STXBP5L: variants seen among roughly 807,000 people sequenced by gnomAD.
STXBP5L encodes the protein syntaxin binding protein 5L.
In STXBP5L, 65 loss-of-function variants were observed where a neutral mutation model predicts 144.5. That is an observed-to-expected ratio of 0.45 (90% CI 0.37 to 0.55). The LOEUF is 0.55. Among genes scored for constraint, STXBP5L ranks in the 20% least tolerant of loss-of-function variants. STXBP5L has a pLI of 0.00. For missense variants in STXBP5L, 1,298 were observed against 1,405.5 expected (o/e 0.92, Z 1.22); for synonymous variants, 505 against 469.6 (o/e 1.08, Z -0.97).
At chr3:121,115,421 T>C (rs984429528) in intron 6 of STXBP5L, among the ~76,000 whole-genome samples, 1 of 152,178 alleles carries the variant, frequency 6.6e-6, no homozygotes, top group Non-Finnish European at 1.5e-5. Flanking sequence ...TGCATATGAT[T>C]TTAATGCTTG....
At chr3:120,986,114 A>G (rs970461556) in intron 3 of STXBP5L, among the ~76,000 whole-genome samples, 13 of 151,662 alleles carry the variant, frequency 8.6e-5, no homozygotes, top group African/African-American at 3.1e-4. Flanking sequence ...GTATTTAAGT[A>G]TTTTCTATTT....
chr3:121,353,185 T>C (rs915800844), intron 20 of STXBP5L, among the ~76,000 whole-genome samples: 2 of 152,216 alleles, frequency 1.3e-5, no homozygotes, highest in Admixed American at 6.5e-5. Flanking sequence ...ATCAGCATGA[T>C]GTTGGCCTCA....
At chr3:121,305,472 G>A (rs1419275803) in intron 19 of STXBP5L, among the ~76,000 whole-genome samples, 1 of 152,074 alleles carries the variant, frequency 6.6e-6, no homozygotes, top group Non-Finnish European at 1.5e-5. Flanking sequence ...CATAACCAAG[G>A]TGGATTTATC....
chr3:121,336,023 G>A (rs537103936), intron 20 of STXBP5L, among the ~76,000 whole-genome samples: 14 of 152,212 alleles, frequency 9.2e-5, no homozygotes, highest in Non-Finnish European at 4.4e-5. Flanking sequence ...CTATGCATCT[G>A]ACAAAGGACT....
intron 2 of STXBP5L, among the ~76,000 whole-genome samples, chr3:120,940,841 T>C (rs1710532498): frequency 1.3e-5 from 2 of 151,820 alleles, no homozygotes; most frequent in South Asian, 4.2e-4. Context: ...TATATACTTT[T>C]CAATGGCAAG....
At chr3:121,029,136 G>C (rs567522339) in intron 3 of STXBP5L, among the ~76,000 whole-genome samples, 1 of 151,958 alleles carries the variant, frequency 6.6e-6, no homozygotes, top group Admixed American at 6.6e-5. Flanking sequence ...TGCTATCCCC[G>C]TCAAGCTACC....
At chr3:121,198,922 G>A (rs1302273302) in intron 9 of STXBP5L, among the ~76,000 whole-genome samples, 1 of 152,124 alleles carries the variant, frequency 6.6e-6, no homozygotes, top group Non-Finnish European at 1.5e-5. Context: ...GTAGCGTGAT[G>A]CTTCCAGCTT....
chr3:121,120,848 A>G (rs1329852172), intron 6 of STXBP5L, among the ~76,000 whole-genome samples: 1 of 151,286 alleles, frequency 6.6e-6, no homozygotes, highest in African/African-American at 2.4e-5. Flanking sequence ...GTCGTGGAGA[A>G]AGGCTGTGGA....
intron 5 of STXBP5L, among the ~76,000 whole-genome samples, chr3:121,083,729 A>G (rs560585624): frequency 6.6e-6 from 1 of 152,074 alleles, no homozygotes; most frequent in Non-Finnish European, 1.5e-5. Context: ...CCAAATCATG[A>G]GTGTGTGGAA....
intron 22 of STXBP5L, among the ~76,000 whole-genome samples, chr3:121,384,455 G>A (rs1433016719): frequency 6.6e-6 from 1 of 152,072 alleles, no homozygotes; most frequent in Non-Finnish European, 1.5e-5. Flanking sequence ...CTAGAGCCCA[G>A]GAGTTCAAGA....
At chr3:121,234,619 A>G (rs984054223) in intron 12 of STXBP5L, among the ~76,000 whole-genome samples, 1 of 151,986 alleles carries the variant, frequency 6.6e-6, no homozygotes, top group African/African-American at 2.4e-5. Context: ...TGTTGAATAA[A>G]TCAGTCCAAA....
intron 3 of STXBP5L, among the ~76,000 whole-genome samples, chr3:121,017,885 CG>C (rs1324783108): frequency 6.6e-6 from 1 of 151,846 alleles, no homozygotes; most frequent in Non-Finnish European, 1.5e-5. Flanking sequence ...AAGTCTGGCC[CG>C]GGGCAATGTT....
At chr3:120,917,586 T>G (rs1709165906) in intron 2 of STXBP5L, among the ~76,000 whole-genome samples, 1 of 152,082 alleles carries the variant, frequency 6.6e-6, no homozygotes, top group African/African-American at 2.4e-5. Context: ...TCCTAGCTAC[T>G]GAGGAGGATG....
chr3:121,328,467 G>A (rs1480302391), intron 20 of STXBP5L, among the ~76,000 whole-genome samples: 3 of 152,250 alleles, frequency 2.0e-5, no homozygotes, highest in African/African-American at 4.8e-5. Context: ...TAGGCTTCAC[G>A]GCTGGGCCTG....
intron 16 of STXBP5L, among the ~76,000 whole-genome samples, chr3:121,255,570 TG>T (rs1372891521): frequency 6.6e-6 from 1 of 152,030 alleles, no homozygotes; most frequent in Non-Finnish European, 1.5e-5. Context: ...GATTTATTTT[TG>T]TATAAAAATC....
intron 3 of STXBP5L, among the ~76,000 whole-genome samples, chr3:121,020,256 C>T (rs141457098): frequency 6.6e-6 from 1 of 151,952 alleles, no homozygotes; most frequent in Admixed American, 6.6e-5. Context: ...GCCTCCAAGA[C>T]GTTTGGGATG....
chr3:121,139,194 C>T (rs2045388204), intron 7 of STXBP5L, among the ~76,000 whole-genome samples: 1 of 151,804 alleles, frequency 6.6e-6, no homozygotes, highest in Non-Finnish European at 1.5e-5. Context: ...ATATGATTAA[C>T]AATTATTTAG....
At chr3:120,984,632 CTTTTTTTTTTT>C (rs35656223) in intron 3 of STXBP5L, among the ~76,000 whole-genome samples, 1 of 71,962 alleles carries the variant, frequency 1.4e-5, no homozygotes, top group African/African-American at 6.1e-5. Flanking sequence ...TCTTTCTTTC[CTTTTTTTTTTT>C]TTTTTTTTTT....
chr3:121,292,034 A>G (rs2051458386), intron 19 of STXBP5L, among the ~76,000 whole-genome samples: 1 of 152,218 alleles, frequency 6.6e-6, no homozygotes, highest in Admixed American at 6.5e-5. Context: ...CAAATGCAGC[A>G]AAAACAAAGA....
Sources: allele counts gnomAD v4.1 joint callset (sites outside exome capture counted in the v4.1 genomes callset), GRCh38; gene constraint gnomAD v4.1.1; transcripts MANE v1.5; gene names NCBI Gene and HGNC (gene_info 2026-07-23, HGNC 2026-07-21).